Variants in CBLIF observed in about 807,000 individuals in gnomAD.
CBLIF encodes gastric intrinsic factor (vitamin B synthesis).
Under a neutral mutation model 44.9 loss-of-function variants are expected in CBLIF, and 24 were observed. The ratio of observed to expected loss-of-function variants is 0.53; its 90% CI spans 0.39 to 0.75. The LOEUF is 0.75. Ranked by LOEUF, CBLIF falls within the 30% of genes least tolerant of loss-of-function variation. The probability of loss-of-function intolerance (pLI) is 0.00; values close to 1 mark genes in which losing one functional copy is unlikely to be tolerated. For missense variants in CBLIF, 481 were observed against 513.0 expected (o/e 0.94, Z 0.60); for synonymous variants, 183 against 190.9 (o/e 0.96, Z 0.34).
At chr11:59,845,300 C>T (rs1866590159) in intron 1 of CBLIF, 75 bp downstream of exon 1, 2 of 1,604,552 alleles carry the variant, frequency 1.2e-6, no homozygotes, top group South Asian at 1.1e-5. Context: ...TTTTCAACCA[C>T]TCAGTGTCAG....
At position 59,841,149 on chromosome 11, in the gene CBLIF, G is replaced by A; in HGVS notation, c.687C>T (p.Ala229=). The change falls in exon 5 of 9, where the codon GCC becomes GCT. Residue 229 remains alanine (A), a synonymous_variant. Coordinates refer to ENST00000257248, the MANE Select transcript of CBLIF (RefSeq NM_005142.3). Reference sequence around the variant, plus strand: ...GCATCCAGCACGTGTTTACCTGCATGGCGAGGCCAGTACTGTAGATGTCTC... The same window carrying A: ...GCATCCAGCACGTGTTTACCTGCATAGCGAGGCCAGTACTGTAGATGTCTC... The part of the protein sequence containing the change: ...IIGDIYSTGL[A]MQALSVTPEP... 6.2e-7 allele frequency: 1 copy of A among 1,611,958 alleles called. No homozygotes were observed. Among genetic ancestry groups the A allele is most frequent in the Non-Finnish European group, 8.5e-7 (1 of 1,177,988 alleles).
intron 3 of CBLIF, 140 bp downstream of exon 3, chr11:59,842,888 C>T (rs900959299): frequency 4.3e-6 from 3 of 701,442 alleles, no homozygotes; most frequent in Admixed American, 2.1e-5. Flanking sequence ...TCTGGATTAT[C>T]AGAAGGACCA....
chr11:59,841,245 G>T lies in CBLIF; in HGVS notation c.591C>A (p.Ser197=), dbSNP rs1284216561. The change falls in exon 5 of 9, where the codon TCC becomes TCA. Residue 197 remains serine (S), a synonymous_variant. Transcript: ENST00000257248. The part of the protein sequence containing the change: ...IPVGSEEGYR[S]LFGQVLKDIV... The stretch of plus-strand genomic sequence containing the variant: ...TATCCTTTAGTACCTGACCAAACAG[G>T]GATCTGTAACCTTCCTCTGAACCTA... 6.2e-7 allele frequency: 1 copy of T among 1,612,968 alleles called. No individual in the cohort carries two copies. Among genetic ancestry groups the T allele is most frequent in the African/African-American group, 1.3e-5 (1 of 74,872 alleles).
intron 5 of CBLIF, 43 bp from the exon 6 acceptor site, chr11:59,837,394 T>A: frequency 7.0e-7 from 1 of 1,433,738 alleles, no homozygotes; most frequent in Non-Finnish European, 9.8e-7. Context: ...TAATTAGGCA[T>A]AGCTGAGAGT....
intron 3 of CBLIF, 31 bp downstream of exon 3, chr11:59,842,997 G>T: frequency 7.6e-7 from 1 of 1,314,350 alleles, no homozygotes; most frequent in Non-Finnish European, 1.1e-6. Flanking sequence ...CCATATGCCT[G>T]ACTCTTTTCT....
In CBLIF at chr11:59,835,846, A is replaced by C; in HGVS notation, c.1035T>G (p.Val345=). ...TTTTGCGCTGTGCTTCCTCTAGGAC[A>C]ACAAGTAACACTGACCCACTTTTCA... ...VSVKSGSVLL[V]VLEEAQRKNP... is the part of the protein sequence containing the mutation. Residue 345 remains valine (V), a synonymous_variant, in exon 7 of 9, where the codon GTT becomes GTG. Transcript: ENST00000257248. 2 of 1,614,170 alleles carry C rather than the reference A, an allele frequency of 1.2e-6. No individual in the cohort carries two copies. The highest frequency in any genetic ancestry group is 8.5e-7 in the Non-Finnish European group (1 of 1,179,968).
chr11:59,831,833 T>A (rs1460340151), intron 7 of CBLIF, 37 bp from the exon 8 acceptor site: 1 of 937,214 alleles, frequency 1.1e-6, no homozygotes, highest in Non-Finnish European at 1.8e-6. Flanking sequence ...CATCTCACTT[T>A]AGGTCAGGGA....
intron 6 of CBLIF, among the ~76,000 whole-genome samples, chr11:59,836,242 G>T (rs950234469): frequency 6.6e-6 from 1 of 152,186 alleles, no homozygotes; most frequent in Admixed American, 6.5e-5. Flanking sequence ...AGTGAATGTG[G>T]TAGTTTTTGG....
chr11:59,830,480 G>A (rs993426482), intron 8 of CBLIF, among the ~76,000 whole-genome samples: 13 of 151,734 alleles, frequency 8.6e-5, no homozygotes, highest in African/African-American at 2.2e-4. Context: ...CTCCTGATCC[G>A]TCCGCCTTGG....
intron 7 of CBLIF, among the ~76,000 whole-genome samples, chr11:59,834,215 CCTTT>C (rs112893185): frequency 0.013 from 1,893 of 150,462 alleles, 48 homozygotes; most frequent in African/African-American, 0.043. Flanking sequence ...CAAAAGCCTG[CCTTT>C]CTGTTTCTTT....
chr11:59,831,594 A>C lies in CBLIF; in HGVS notation c.1192+84T>G, dbSNP rs1470471240. ...CTCATAATTATTAATTAAGTGAATG[A>C]ATGAATAAATTAAATGAAAAAATAA... On this transcript the variant is annotated intron_variant, in intron 8 of 8. Transcript: ENST00000257248. 9.4e-6 allele frequency: 7 copies of C among 742,184 alleles called. No homozygotes were observed. In the Admixed American group the frequency reaches 1.3e-4, roughly 14 times the overall value. The allele number at this position is 742,184 out of a possible 1,614,324, so 46.0% of individuals were successfully genotyped here. A position where few individuals can be genotyped will look rare whatever the true frequency, so the allele number is the denominator to read the frequency against.
intron 3 of CBLIF, 35 bp from the exon 4 acceptor site, chr11:59,842,618 C>G (rs1259100355): frequency 6.2e-7 from 1 of 1,607,196 alleles, no homozygotes; most frequent in African/African-American, 1.3e-5. Flanking sequence ...ATCAGACTCA[C>G]AGTCACCACG....
chr11:59,832,894 A>G (rs540642261), intron 7 of CBLIF, among the ~76,000 whole-genome samples: 4 of 152,342 alleles, frequency 2.6e-5, no homozygotes, highest in African/African-American at 9.6e-5. Context: ...ATATTTGTCA[A>G]TAATTTTCAG....
chr11:59,836,047 T>C (rs1204802736), intron 6 of CBLIF, 38 bp from the exon 7 acceptor site: 1 of 1,543,738 alleles, frequency 6.5e-7, no homozygotes, highest in South Asian at 1.1e-5. Flanking sequence ...TCAAAGATTA[T>C]GGGGTTTGTA....
chr11:59,830,479 C>T (rs914025899), intron 8 of CBLIF, among the ~76,000 whole-genome samples: 7 of 151,764 alleles, frequency 4.6e-5, no homozygotes, highest in South Asian at 2.1e-4. Context: ...CCTCCTGATC[C>T]GTCCGCCTTG....
At chr11:59,842,402 C>T in intron 4 of CBLIF, 41 bp downstream of exon 4, 1 of 1,608,772 alleles carries the variant, frequency 6.2e-7, no homozygotes, top group Non-Finnish European at 8.5e-7. Flanking sequence ...GTTCACGATG[C>T]CTCTGATGTT....
rs530371257 is a variant in CBLIF, at chr11:59,830,233, C to CTT, written c.1193-690_1193-689dup. Among the ~76,000 whole-genome samples, 135 of 123,280 alleles carry CTT rather than the reference C, an allele frequency of 1.1e-3. 4 individuals carry two copies. In the East Asian group the frequency reaches 0.025, roughly 23 times the overall value. 80.9% of individuals were successfully genotyped at this position (123,280 alleles called of 152,430 possible). A position where few individuals can be genotyped will look rare whatever the true frequency, so the allele number is the denominator to read the frequency against. On this transcript the variant is annotated intron_variant, in intron 8 of 8. Transcript: ENST00000257248. Reference sequence around the variant, plus strand: ...TTTAAGTTCCTGGGGCAATTACTTTCTTTTTTTTTTTTTTTTTTTTTGAAA... The same window carrying CTT: ...TTTAAGTTCCTGGGGCAATTACTTTCTTTTTTTTTTTTTTTTTTTTTTTGAAA...
intron 5 of CBLIF, 139 bp from the exon 6 acceptor site, chr11:59,837,490 A>G (rs973995168): frequency 1.3e-4 from 97 of 728,208 alleles, no homozygotes; most frequent in Non-Finnish European, 3.5e-5. Context: ...AATGCTATGT[A>G]AGGTTTGGAA....
intron 7 of CBLIF, among the ~76,000 whole-genome samples, chr11:59,834,303 T>C (rs199685182): frequency 0.037 from 2,976 of 80,266 alleles, 41 homozygotes; most frequent in African/African-American, 0.075. Context: ...TTTCTTTCTT[T>C]CTTTCTTTCT....
Sources: allele counts gnomAD v4.1 joint callset (sites outside exome capture counted in the v4.1 genomes callset), GRCh38; gene constraint gnomAD v4.1.1; transcripts MANE v1.5; gene names NCBI Gene and HGNC (gene_info 2026-07-23, HGNC 2026-07-21).